JPH3: variants seen among roughly 807,000 people sequenced by gnomAD.
JPH3 encodes the protein junctophilin-3.
JPH3 carries 11 observed loss-of-function variants against 59.6 expected under a neutral mutation model. That is an observed-to-expected ratio of 0.18 (90% CI 0.12 to 0.31). JPH3 has a LOEUF of 0.31. Among genes scored for constraint, JPH3 ranks in the 10% least tolerant of loss-of-function variants. The pLI is 1.00. For missense variants in JPH3, 1,202 were observed against 1,105.7 expected (o/e 1.09, Z -1.24); for synonymous variants, 673 against 483.6 (o/e 1.39, Z -5.14).
At chr16:87,649,637 C>T (rs1455429587) in intron 2 of JPH3, among the ~76,000 whole-genome samples, 3 of 152,208 alleles carry the variant, frequency 2.0e-5, no homozygotes, top group African/African-American at 4.8e-5. Context: ...ACAGCCCCCT[C>T]ATCCCCACCC....
rs2033503614 is a variant in JPH3, at chr16:87,689,511, C to T, written c.1286-135C>T. ...CCACGGTCCCCACTCCCCTCCCTTGCCTGCAGCCTTTCGGTGAGTGGGAAG... is the reference window on the plus strand; with the variant it reads ...CCACGGTCCCCACTCCCCTCCCTTGTCTGCAGCCTTTCGGTGAGTGGGAAG... On this transcript the variant is annotated intron_variant, in intron 3 of 4. Coordinates refer to ENST00000284262, the MANE Select transcript of JPH3 (RefSeq NM_020655.4). 3.2e-5 allele frequency: 31 copies of T among 959,356 alleles called. 1 individual carries two copies. In the South Asian group the frequency reaches 4.8e-4, roughly 15 times the overall value. 59.4% of individuals were successfully genotyped at this position (959,356 alleles called of 1,614,324 possible). A position where few individuals can be genotyped will look rare whatever the true frequency, so the allele number is the denominator to read the frequency against.
At chr16:87,644,004 G>A (rs1012233033) in intron 1 of JPH3, among the ~76,000 whole-genome samples, 25 of 152,216 alleles carry the variant, frequency 1.6e-4, no homozygotes, top group Admixed American at 1.3e-4. Context: ...GGAGCATGGT[G>A]GTGCACGCCT....
intron 2 of JPH3, among the ~76,000 whole-genome samples, chr16:87,679,110 C>T (rs755276657): frequency 3.3e-5 from 5 of 152,212 alleles, no homozygotes; most frequent in South Asian, 2.1e-4. Flanking sequence ...CCCCCGTGTG[C>T]CCATCCCCCA....
At chr16:87,659,403 AC>A (rs2032628392) in intron 2 of JPH3, among the ~76,000 whole-genome samples, 4 of 145,532 alleles carry the variant, frequency 2.7e-5, no homozygotes, top group South Asian at 4.5e-4. Context: ...AAAAAAGAAA[AC>A]TACACACACA....
chr16:87,604,703 G>A (rs2030447638), intron 1 of JPH3: 1 of 1,117,342 alleles, frequency 8.9e-7, no homozygotes, highest in Non-Finnish European at 1.1e-6. Flanking sequence ...CTGCTCCACG[G>A]CCACATCCAG....
At chr16:87,619,832 C>T (rs376475471) in intron 1 of JPH3, among the ~76,000 whole-genome samples, 3 of 152,256 alleles carry the variant, frequency 2.0e-5, no homozygotes, top group East Asian at 1.9e-4. Flanking sequence ...CAGCTTCCTG[C>T]GGGGCACGGA....
chr16:87,604,654 C>G (rs1321877964), intron 1 of JPH3: 1 of 1,163,688 alleles, frequency 8.6e-7, no homozygotes, highest in African/African-American at 1.6e-5. Context: ...TCCCCGCCCG[C>G]TCGCTGCCTC....
chr16:87,696,645 T>C lies in JPH3; in HGVS notation c.2232T>C (p.Ile744=), dbSNP rs2033871241. 1.2e-6 allele frequency: 2 copies of C among 1,613,256 alleles called. No homozygotes were observed. The highest frequency in any genetic ancestry group is 2.2e-5 in the South Asian group (2 of 91,062). ...LLNIGVAILF[I]NFFI ...ACATCGGAGTCGCCATTCTGTTTAT[T>C]AACTTTTTCATCTGATGAGATGTCG... The change falls in exon 5 of 5, where the codon ATT becomes ATC. Residue 744 remains isoleucine, a synonymous_variant. Transcript: ENST00000284262.
chr16:87,637,934 G>C (rs776779599), intron 1 of JPH3, among the ~76,000 whole-genome samples: 11 of 151,794 alleles, frequency 7.2e-5, no homozygotes, highest in Non-Finnish European at 1.5e-4. Flanking sequence ...ATTTTTTTTT[G>C]AGATGGGGTT....
At chr16:87,685,402 C>T (rs62053833) in intron 3 of JPH3, among the ~76,000 whole-genome samples, 6 of 152,202 alleles carry the variant, frequency 3.9e-5, no homozygotes, top group East Asian at 1.9e-4. Context: ...CAATGGGCCA[C>T]GTGCCCCTGT....
chr16:87,623,088 G>T (rs2031248127), intron 1 of JPH3, among the ~76,000 whole-genome samples: 1 of 152,204 alleles, frequency 6.6e-6, no homozygotes, highest in Non-Finnish European at 1.5e-5. Context: ...AGGCAGCAGT[G>T]GGGGCCTCAA....
chr16:87,662,103 C>A (rs936445903), intron 2 of JPH3, among the ~76,000 whole-genome samples: 11 of 152,292 alleles, frequency 7.2e-5, no homozygotes, highest in African/African-American at 2.6e-4. Context: ...TTTTCTGTAC[C>A]TACGGTCATC....
In JPH3 at chr16:87,690,436, T is replaced by C; in HGVS notation, c.2076T>C (p.Arg692=). The change falls in exon 4 of 5, where the codon CGT becomes CGC. Residue 692 remains arginine (R), a synonymous_variant. Transcript: ENST00000284262. ...RLGGAEPRLL[R]WDLTFSPPQK... Reference sequence around the variant, plus strand: ...GCGGGGCCGAGCCCCGGTTGCTGCGTTGGGACTTGACCTTCTCCCCGCCCC... The same window carrying C: ...GCGGGGCCGAGCCCCGGTTGCTGCGCTGGGACTTGACCTTCTCCCCGCCCC... 1 of 1,495,344 alleles carries C rather than the reference T, an allele frequency of 6.7e-7. No individual in the cohort carries two copies. Among genetic ancestry groups the C allele is most frequent in the South Asian group, 1.4e-5 (1 of 71,848 alleles). 92.6% of individuals were successfully genotyped at this position (1,495,344 alleles called of 1,614,324 possible). A position where few individuals can be genotyped will look rare whatever the true frequency, so the allele number is the denominator to read the frequency against.
At chr16:87,677,183 TATACACACACACACACACAC>T (rs1231961193) in intron 2 of JPH3, among the ~76,000 whole-genome samples, 1 of 75,900 alleles carries the variant, frequency 1.3e-5, no homozygotes, top group Non-Finnish European at 2.6e-5. Flanking sequence ...ACTATATATA[TATACACACACACACACACAC>T]ACACACACAC....
intron 4 of JPH3, among the ~76,000 whole-genome samples, chr16:87,690,740 G>C (rs1035498211): frequency 4.6e-5 from 7 of 152,180 alleles, no homozygotes; most frequent in African/African-American, 1.7e-4. Flanking sequence ...CTCTTTCCGT[G>C]AGAGGCTGCC....
At chr16:87,617,938 G>C (rs182503968) in intron 1 of JPH3, among the ~76,000 whole-genome samples, 46 of 152,136 alleles carry the variant, frequency 3.0e-4, no homozygotes, top group Middle Eastern at 3.4e-3. Flanking sequence ...TGAGGTGGGC[G>C]GATCACTTGA....
intron 2 of JPH3, 117 bp downstream of exon 2, chr16:87,645,152 A>G (rs2150846295): frequency 3.8e-6 from 4 of 1,059,716 alleles, no homozygotes; most frequent in African/African-American, 1.6e-5. Flanking sequence ...TGAGGCCTAC[A>G]CTGGTGTTTC....
chr16:87,642,399 G>A (rs2031984516), intron 1 of JPH3, among the ~76,000 whole-genome samples: 1 of 152,222 alleles, frequency 6.6e-6, no homozygotes, highest in Admixed American at 6.5e-5. Context: ...AGAGAGGTCG[G>A]GGTGGCCAGG....
chr16:87,617,206 G>C (rs2031003511), intron 1 of JPH3, among the ~76,000 whole-genome samples: 1 of 152,162 alleles, frequency 6.6e-6, no homozygotes, highest in Non-Finnish European at 1.5e-5. Flanking sequence ...CTGGGTGACA[G>C]AGTGAGACTC....
Sources: gnomAD v4.1 joint callset for allele counts (sites outside exome capture counted in the v4.1 genomes callset) on GRCh38, gnomAD v4.1.1 for gene constraint, MANE v1.5 for transcripts, NCBI Gene and HGNC (gene_info 2026-07-23, HGNC 2026-07-21) for gene names.